GRIP2: variants seen among roughly 807,000 people sequenced by gnomAD.
The protein encoded by GRIP2 is glutamate receptor-interacting protein 2.
A neutral mutation model predicts 108.3 loss-of-function variants in GRIP2; 58 were observed. The observed-to-expected ratio is 0.54, with a 90% CI of 0.43 to 0.67. The LOEUF (loss-of-function observed/expected upper bound fraction) is 0.67, where lower values mean the gene tolerates loss of function less well. Among genes scored for constraint, GRIP2 ranks in the 30% least tolerant of loss-of-function variants. The probability of loss-of-function intolerance (pLI) is 0.00; values close to 1 mark genes in which losing one functional copy is unlikely to be tolerated. For synonymous variants in GRIP2, 586 were observed against 598.2 expected (o/e 0.98, Z 0.30); for missense variants, 1,278 against 1,430.6 (o/e 0.89, Z 1.72).
At chr3:14,540,436 C>T (rs774813865), upstream of GRIP2, 2 of 1,589,436 alleles carry the variant, frequency 1.3e-6, no homozygotes, top group East Asian at 2.3e-5. The surrounding 1 kb of genome is among the most constrained non-coding windows in gnomAD (Gnocchi z 4.1). Context: ...GCACCGAGTC[C>T]ACCCACTGCA....
the GRIP2 span, among the ~76,000 whole-genome samples, chr3:14,587,307 A>G: frequency 6.6e-6 from 1 of 152,204 alleles, no homozygotes; most frequent in African/African-American, 2.4e-5. Context: ...ATGTAGAAAA[A>G]GGAGGAACCA....
the GRIP2 span, chr3:14,573,408 A>T: frequency 7.4e-7 from 1 of 1,344,880 alleles, no homozygotes; most frequent in South Asian, 1.2e-5. Context: ...GATGGACACC[A>T]GGTAGTGCAG....
upstream of GRIP2, among the ~76,000 whole-genome samples, chr3:14,540,915 A>T (rs1412140391): frequency 6.6e-6 from 1 of 152,176 alleles, no homozygotes; most frequent in Non-Finnish European, 1.5e-5. This position sits in a 1 kb window ranked among gnomAD's most constrained non-coding sequence, Gnocchi z 4.1. Flanking sequence ...GTAAAATGGG[A>T]CTTAGGAAAG....
intron 1 of GRIP2, among the ~76,000 whole-genome samples, chr3:14,537,073 C>T (rs144519760): frequency 9.7e-4 from 147 of 152,304 alleles, no homozygotes; most frequent in African/African-American, 3.5e-3. Context: ...AGTGACAAAG[C>T]GGAGATTTGA....
chr3:14,548,767 C>A (rs141518045), intron 1 of GRIP2, among the ~76,000 whole-genome samples: 69 of 152,312 alleles, frequency 4.5e-4, no homozygotes, highest in Non-Finnish European at 8.2e-4. Flanking sequence ...TGCTACAGTG[C>A]GAAACTGAGG....
chr3:14,590,592 C>G, the GRIP2 span, among the ~76,000 whole-genome samples: 33 of 152,290 alleles, frequency 2.2e-4, no homozygotes, highest in Non-Finnish European at 3.8e-4. Context: ...ATAGCAAGGA[C>G]GGTCATTTCA....
In GRIP2 at chr3:14,489,281, T is replaced by G. The variant is rs1442157059; in HGVS notation, c.*4384A>C. ...GTATATCAATATTTTAAATTCATCT[T>G]TGCTTTTTTTAGAGGAGTTTGTAAT... On this transcript the variant is annotated 3_prime_UTR_variant, in exon 24 of 24. Coordinates refer to ENST00000621039, the MANE Select transcript of GRIP2 (RefSeq NM_001080423.4). The G allele has an allele frequency of 6.6e-6, 1 of 152,656 alleles. No individual in the cohort carries two copies. Among genetic ancestry groups the G allele is most frequent in the Non-Finnish European group, 1.5e-5 (1 of 68,042 alleles). The allele number at this position is 152,656 out of a possible 1,614,324, so 9.5% of individuals were successfully genotyped here. A position where few individuals can be genotyped will look rare whatever the true frequency, so the allele number is the denominator to read the frequency against.
chr3:14,527,565 A>G (rs993638555), intron 1 of GRIP2, among the ~76,000 whole-genome samples: 1 of 152,158 alleles, frequency 6.6e-6, no homozygotes, highest in Non-Finnish European at 1.5e-5. Context: ...GTATATTAGT[A>G]TATTAGTCTA....
Position 14,520,184 on chromosome 3 carries a change from C to T in GRIP2, c.956G>A (p.Ser319Asn). 1.2e-6 allele frequency: 2 copies of T among 1,613,074 alleles called. No homozygotes were observed. Among genetic ancestry groups the T allele is most frequent in the Non-Finnish European group, 1.7e-6 (2 of 1,179,692 alleles). The part of the protein sequence containing the change: ...SLLEATKLLA[S>N]ISEKVRLEIL... The stretch of plus-strand genomic sequence containing the variant: ...CTCCAGCCGCACCTTCTCTGAAATG[C>T]TGGCCAGGAGCTTGGTGGCCTCAAG... Residue 319 changes from serine to asparagine, a missense_variant, in exon 9 of 24, where the codon AGC becomes AAC. Ser to Asn is a conservative substitution (Grantham distance 46). Coordinates refer to ENST00000621039, the MANE Select transcript of GRIP2 (RefSeq NM_001080423.4).
At chr3:14,504,841 AT>A (rs1693873861) in intron 20 of GRIP2, among the ~76,000 whole-genome samples, 1 of 152,212 alleles carries the variant, frequency 6.6e-6, no homozygotes, top group African/African-American at 2.4e-5. Flanking sequence ...CTGGAGATTC[AT>A]TCGCAAAATA....
chr3:14,530,740 T>A (rs1022655024), intron 1 of GRIP2, among the ~76,000 whole-genome samples: 1 of 152,222 alleles, frequency 6.6e-6, no homozygotes, highest in Non-Finnish European at 1.5e-5. Context: ...CTTGTGGGTA[T>A]GTAGTAGGTG....
chr3:14,552,043 A>G (rs1271909499), intron 1 of GRIP2, among the ~76,000 whole-genome samples: 1 of 152,062 alleles, frequency 6.6e-6, no homozygotes, highest in Non-Finnish European at 1.5e-5. Context: ...ACGAGAGTTT[A>G]TCCTTGTCTT....
At chr3:14,602,103 G>A in the GRIP2 span, 3 of 152,352 alleles carry the variant, frequency 2.0e-5, no homozygotes, top group Non-Finnish European at 4.4e-5. This position sits in a 1 kb window ranked among gnomAD's most constrained non-coding sequence, Gnocchi z 4.7. Context: ...AAAGTGAGCA[G>A]CGGGTGAGCA....
chr3:14,513,828 G>A lies in GRIP2; in HGVS notation c.1494-18C>T, dbSNP rs374337644. Reference sequence around the variant, plus strand: ...GCCCACACCTGAACCCAGGGGGCCCGGCAGAGAGAAGAGGCTCCGTGACAG... The same window carrying A: ...GCCCACACCTGAACCCAGGGGGCCCAGCAGAGAGAAGAGGCTCCGTGACAG... On this transcript the variant is annotated intron_variant, in intron 12 of 23. Coordinates refer to ENST00000621039, the MANE Select transcript of GRIP2 (RefSeq NM_001080423.4). The A allele has an allele frequency of 1.4e-4, 230 of 1,609,910 alleles. 1 individual carries two copies. Among genetic ancestry groups the A allele is most frequent in the South Asian group, 4.3e-4 (39 of 90,662 alleles).
At position 14,493,631 on chromosome 3, in the gene GRIP2, G is replaced by A. The variant is rs531705591; in HGVS notation, c.*34C>T. ...TGTCTGGGAGCCAGGATCTGCCTGG[G>A]TGGCCCCTTAGGAGTTCGGCCCACA... On this transcript the variant is annotated 3_prime_UTR_variant, in exon 24 of 24. Coordinates refer to ENST00000621039, the MANE Select transcript of GRIP2 (RefSeq NM_001080423.4). The A allele has an allele frequency of 1.3e-6, 2 of 1,537,608 alleles. No homozygotes were observed. Among genetic ancestry groups the A allele is most frequent in the African/African-American group, 1.4e-5 (1 of 73,632 alleles).
At position 14,512,884 on chromosome 3, in the gene GRIP2, G is replaced by A. The variant is rs757251833; in HGVS notation, c.1640-27C>T. 26 of 1,607,132 alleles carry A rather than the reference G, an allele frequency of 1.6e-5. No individual in the cohort carries two copies. The highest frequency in any genetic ancestry group is 8.9e-5 in the East Asian group (4 of 44,852). ...TGGGGGTAGATGGACATAAACCGACGTGAGGACCCAGAGGAGGAGCCTCAG... is the reference window on the plus strand; with the variant it reads ...TGGGGGTAGATGGACATAAACCGACATGAGGACCCAGAGGAGGAGCCTCAG... On this transcript the variant is annotated intron_variant, in intron 13 of 23. Coordinates refer to ENST00000621039, the MANE Select transcript of GRIP2 (RefSeq NM_001080423.4). The surrounding 1 kb of genome is among the most constrained non-coding windows in gnomAD (Gnocchi z 5.1).
chr3:14,498,853 T>C (rs575766455), intron 21 of GRIP2, among the ~76,000 whole-genome samples: 2 of 152,292 alleles, frequency 1.3e-5, no homozygotes, highest in East Asian at 1.9e-4. Flanking sequence ...GAGACAGGCA[T>C]GAGCAGGAGT....
chr3:14,522,765 A>C lies in GRIP2; in HGVS notation c.566+235T>G. On this transcript the variant is annotated intron_variant, in intron 6 of 23. Transcript: ENST00000621039. The surrounding 1 kb of genome is among the most constrained non-coding windows in gnomAD (Gnocchi z 4.3). ...ACACCAAGGCTGCCCCTCTCCAAAC[A>C]CCCCAACCCCTGAGACAGCAGTATG... The C allele has an allele frequency of 1.9e-6, 1 of 524,796 alleles. No individual in the cohort carries two copies. Among genetic ancestry groups the C allele is most frequent in the South Asian group, 2.3e-5 (1 of 43,290 alleles). 32.5% of individuals were successfully genotyped at this position (524,796 alleles called of 1,614,324 possible).
At chr3:14,580,139 C>T in the GRIP2 span, among the ~76,000 whole-genome samples, 2 of 152,184 alleles carry the variant, frequency 1.3e-5, no homozygotes, top group Admixed American at 1.3e-4. Flanking sequence ...TGGGTCTGGT[C>T]ACCTCCATAC....
Sources: allele counts gnomAD v4.1 joint callset (sites outside exome capture counted in the v4.1 genomes callset), GRCh38; gene constraint gnomAD v4.1.1; non-coding constraint Gnocchi (gnomAD v3.1); transcripts MANE v1.5; gene names NCBI Gene and HGNC (gene_info 2026-07-23, HGNC 2026-07-21).